The following FGF14 variants were observed in gnomAD, a reference collection of about 807,000 sequenced individuals.
The protein encoded by FGF14 is fibroblast growth factor homologous factor 4.
In FGF14, 5 loss-of-function variants were observed where a neutral mutation model predicts 25.5. That is an observed-to-expected ratio of 0.20 (90% CI 0.10 to 0.41). The LOEUF (loss-of-function observed/expected upper bound fraction) is 0.41. Among genes scored for constraint, FGF14 ranks in the 10% least tolerant of loss-of-function variants. FGF14 has a pLI of 1.00. For synonymous variants in FGF14, 138 were observed against 118.3 expected (o/e 1.17, Z -1.08); for missense variants, 222 against 320.1 (o/e 0.69, Z 2.34).
At chr13:102,259,952 CG>C (rs1249782093) in intron 1 of FGF14, among the ~76,000 whole-genome samples, 3 of 152,292 alleles carry the variant, frequency 2.0e-5, no homozygotes, top group Admixed American at 2.0e-4. Flanking sequence ...CAGTCCTCAC[CG>C]GACAGAGGGA....
intron 3 of FGF14, among the ~76,000 whole-genome samples, chr13:101,768,677 A>G (rs554541086): frequency 2.0e-5 from 3 of 152,242 alleles, no homozygotes; most frequent in African/African-American, 7.2e-5. Context: ...AAATACAGTC[A>G]ACTGACCTTT....
At chr13:102,243,956 T>C (rs751497303) in intron 1 of FGF14, among the ~76,000 whole-genome samples, 6 of 152,072 alleles carry the variant, frequency 3.9e-5, no homozygotes, top group Non-Finnish European at 8.8e-5. Context: ...ACTAAGCAGA[T>C]GCTCTGAAGC....
chr13:101,822,771 A>C (rs556248371), intron 3 of FGF14, among the ~76,000 whole-genome samples: 2 of 152,332 alleles, frequency 1.3e-5, no homozygotes, highest in East Asian at 3.9e-4. Context: ...TAAAGTATAC[A>C]ATAAATTATT....
chr13:102,366,618 C>CAAAAAAAA (rs57953786), intron 1 of FGF14: 1 of 46,792 alleles, frequency 2.1e-5, no homozygotes, highest in Admixed American at 2.8e-4. Flanking sequence ...ATTCTCCTTG[C>CAAAAAAAA]AAAAAAAAAA....
At chr13:101,995,877 G>A (rs1052999486) in intron 1 of FGF14, among the ~76,000 whole-genome samples, 2 of 152,090 alleles carry the variant, frequency 1.3e-5, no homozygotes, top group South Asian at 2.1e-4. Flanking sequence ...GTGGGGGGCT[G>A]GGAGTTAGGA....
chr13:101,881,761 T>C (rs1335881703), intron 1 of FGF14, among the ~76,000 whole-genome samples: 1 of 152,180 alleles, frequency 6.6e-6, no homozygotes, highest in Non-Finnish European at 1.5e-5. Flanking sequence ...GTATGCTCTG[T>C]CTGAGGTGCT....
chr13:101,887,258 G>A (rs1305398991), intron 1 of FGF14, among the ~76,000 whole-genome samples: 2 of 151,704 alleles, frequency 1.3e-5, no homozygotes, highest in Non-Finnish European at 2.9e-5. Context: ...CCAGAATATG[G>A]GGGTCAATGT....
intron 1 of FGF14, among the ~76,000 whole-genome samples, chr13:101,950,719 T>G (rs936921620): frequency 2.6e-5 from 4 of 151,470 alleles, no homozygotes; most frequent in Admixed American, 6.6e-5. Flanking sequence ...TTTAAAAATG[T>G]GATCATCCTA....
At chr13:101,989,886 G>A (rs2038801773) in intron 1 of FGF14, among the ~76,000 whole-genome samples, 2 of 152,112 alleles carry the variant, frequency 1.3e-5, no homozygotes, top group East Asian at 3.9e-4. Flanking sequence ...TTATTTCACT[G>A]AGAACTTTTA....
chr13:102,192,042 C>T (rs72647407), intron 1 of FGF14, among the ~76,000 whole-genome samples: 28,903 of 152,180 alleles, frequency 0.19, 3,296 homozygotes, highest in Admixed American at 0.27. Context: ...GTGGATCCTG[C>T]CTCCAGGCTT....
At chr13:101,870,990 A>ACATACATG (rs1566351580) in intron 2 of FGF14, among the ~76,000 whole-genome samples, 1 of 152,142 alleles carries the variant, frequency 6.6e-6, no homozygotes, top group East Asian at 1.9e-4. Flanking sequence ...ATACATACAT[A>ACATACATG]CATACATACA....
At chr13:102,310,685 C>CTCTCTG (rs369697906) in intron 1 of FGF14, among the ~76,000 whole-genome samples, 51 of 6,848 alleles carry the variant, frequency 7.4e-3, no homozygotes, top group African/African-American at 0.017. Context: ...CTCTCTCTCT[C>CTCTCTG]TGTGTGTGTG....
intron 3 of FGF14, among the ~76,000 whole-genome samples, chr13:101,790,266 T>G (rs2040158076): frequency 6.6e-6 from 1 of 152,140 alleles, no homozygotes; most frequent in African/African-American, 2.4e-5. Flanking sequence ...TTCCATCTTT[T>G]ATGTAATTAT....
intron 1 of FGF14, among the ~76,000 whole-genome samples, chr13:102,372,661 T>C (rs1388340062): frequency 6.6e-6 from 1 of 151,716 alleles, no homozygotes. Flanking sequence ...TGTCTCAGAA[T>C]AGTTTTTTTT....
intron 1 of FGF14, among the ~76,000 whole-genome samples, chr13:102,177,571 T>C (rs2048498903): frequency 6.6e-6 from 1 of 152,156 alleles, no homozygotes; most frequent in African/African-American, 2.4e-5. Flanking sequence ...CTATTTCCAA[T>C]TTTGCATCTG....
At chr13:102,321,423 T>C (rs1422945419) in intron 1 of FGF14, among the ~76,000 whole-genome samples, 2 of 152,180 alleles carry the variant, frequency 1.3e-5, no homozygotes, top group African/African-American at 2.4e-5. Flanking sequence ...ATGCAACATA[T>C]AGAATACAAT....
intron 1 of FGF14, among the ~76,000 whole-genome samples, chr13:102,074,040 C>G (rs60340139): frequency 0.038 from 5,859 of 152,262 alleles, 376 homozygotes; most frequent in African/African-American, 0.13. Context: ...CAGGATCTTG[C>G]TGTGTCACCC....
chr13:102,202,324 T>C (rs560685571), intron 1 of FGF14, among the ~76,000 whole-genome samples: 34 of 152,296 alleles, frequency 2.2e-4, no homozygotes, highest in African/African-American at 8.2e-4. Context: ...CAAGGGCCTA[T>C]AAGGATGCGG....
At chr13:102,003,500 T>C (rs1212487206) in intron 1 of FGF14, among the ~76,000 whole-genome samples, 2 of 152,180 alleles carry the variant, frequency 1.3e-5, no homozygotes, top group African/African-American at 4.8e-5. Context: ...ACGTAACTAT[T>C]TCTATGGGAA....
Sources: allele counts gnomAD v4.1 joint callset (sites outside exome capture counted in the v4.1 genomes callset), GRCh38; gene constraint gnomAD v4.1.1; transcripts MANE v1.5; gene names NCBI Gene and HGNC (gene_info 2026-07-23, HGNC 2026-07-21).